Variants in CA5A observed in about 807,000 individuals in gnomAD.
CA5A encodes the protein carbonic anhydrase 5A, mitochondrial.
A neutral mutation model predicts 37.1 loss-of-function variants in CA5A; 28 were observed. That is an observed-to-expected ratio of 0.75 (90% CI 0.56 to 1.03). The LOEUF (loss-of-function observed/expected upper bound fraction) is 1.03, where lower values mean the gene tolerates loss of function less well. Among genes scored for constraint, CA5A ranks in the 50% least tolerant of loss-of-function variants. The pLI, the probability that CA5A is intolerant of heterozygous loss-of-function variation, is 0.00. For synonymous variants in CA5A, 171 were observed against 158.4 expected (o/e 1.08, Z -0.60); for missense variants, 444 against 399.9 (o/e 1.11, Z -0.94).
At chr16:87,889,695 C>G (rs1460684754) in intron 6 of CA5A, among the ~76,000 whole-genome samples, 1 of 152,022 alleles carries the variant, frequency 6.6e-6, no homozygotes, top group East Asian at 1.9e-4. Context: ...GCTCTTTAAC[C>G]TGGGAGGCGG....
rs553340303 is a variant in CA5A, at chr16:87,930,250, G to A, written c.143-3305C>T. On this transcript the variant is annotated intron_variant, in intron 1 of 6. Coordinates refer to ENST00000649794, the MANE Select transcript of CA5A (RefSeq NM_001739.2). ...GTTTGTTGAATGAATAATCCCTAGT[G>A]TGGATTAACTGCCCCTGCCCCTTAC... Among the ~76,000 whole-genome samples, 18 of 152,302 alleles carry A rather than the reference G, an allele frequency of 1.2e-4. No homozygotes were observed. The South Asian group carries it at 3.7e-3, about 32-fold the overall frequency.
At chr16:87,922,917 T>C (rs780964240) in intron 2 of CA5A, among the ~76,000 whole-genome samples, 30 of 152,230 alleles carry the variant, frequency 2.0e-4, no homozygotes, top group Admixed American at 3.3e-4. Flanking sequence ...CCAAGCCTTC[T>C]TTTTCACATC....
At chr16:87,924,285 T>G in intron 2 of CA5A, 2 of 985,458 alleles carry the variant, frequency 2.0e-6, no homozygotes, top group South Asian at 4.7e-5. Context: ...TGGAGCCTGA[T>G]GAAGCAACCG....
At chr16:87,921,362 G>A (rs1361830576) in intron 2 of CA5A, among the ~76,000 whole-genome samples, 2 of 152,232 alleles carry the variant, frequency 1.3e-5, no homozygotes, top group Non-Finnish European at 2.9e-5. Flanking sequence ...CCCGAAATTG[G>A]CTTGGGCCTT....
At chr16:87,893,276 C>A (rs117599131) in intron 5 of CA5A, among the ~76,000 whole-genome samples, 4,900 of 151,976 alleles carry the variant, frequency 0.032, 127 homozygotes, top group South Asian at 0.056. Context: ...TACATCTTCA[C>A]GCCATCGCGA....
intron 2 of CA5A, among the ~76,000 whole-genome samples, chr16:87,918,244 G>A (rs2056182111): frequency 1.3e-5 from 2 of 152,230 alleles, no homozygotes; most frequent in Admixed American, 1.3e-4. Flanking sequence ...CCTGCCCAAT[G>A]AGCTGGGCCC....
chr16:87,926,730 G>C lies in CA5A; in HGVS notation c.340+18C>G, dbSNP rs2056316733. The C allele has an allele frequency of 6.2e-7, 1 of 1,600,234 alleles. No homozygotes were observed. Among genetic ancestry groups the C allele is most frequent in the Admixed American group, 1.7e-5 (1 of 59,742 alleles). On this transcript the variant is annotated intron_variant, in intron 2 of 6. Coordinates refer to ENST00000649794, the MANE Select transcript of CA5A (RefSeq NM_001739.2). ...CAACGGGAGAGGACAAAGCCCTCGA[G>C]CCCCAGCTGGCACTCACCTGATGCC...
chr16:87,898,580 T>C (rs977364245), intron 5 of CA5A, among the ~76,000 whole-genome samples: 1 of 152,208 alleles, frequency 6.6e-6, no homozygotes, highest in Non-Finnish European at 1.5e-5. Flanking sequence ...TTTCGTTTCG[T>C]GACGGGCAGC....
intron 2 of CA5A, among the ~76,000 whole-genome samples, chr16:87,916,148 A>G (rs1180715966): frequency 1.4e-5 from 2 of 147,484 alleles, no homozygotes; most frequent in Non-Finnish European, 3.0e-5. Context: ...AGCCTGGGTG[A>G]CAGAGCAAGA....
chr16:87,905,655 G>T (rs2055950461), intron 2 of CA5A, among the ~76,000 whole-genome samples: 1 of 152,310 alleles, frequency 6.6e-6, no homozygotes, highest in African/African-American at 2.4e-5. Context: ...CACCGCTCCT[G>T]GGTGAGCAAG....
Position 87,926,904 on chromosome 16 carries a change from T to G in CA5A, c.184A>C (p.Thr62Pro), listed in dbSNP as rs1482687110. 12 of 1,605,582 alleles carry G rather than the reference T, an allele frequency of 7.5e-6. No individual in the cohort carries two copies. The highest frequency in any genetic ancestry group is 1.0e-5 in the Non-Finnish European group (12 of 1,175,716). ...TGGATGTTAATAGGAGACTGCCGGG[T>G]GCCCCCTGGCACGGAGACCGGGACC... ...WTVPVSVPGGTRQSPINIQWR... is the reference protein window; with the variant it reads ...WTVPVSVPGGPRQSPINIQWR... The change falls in exon 2 of 7, where the codon ACC becomes CCC. Residue 62 changes from threonine (T) to proline (P), a missense_variant. Physicochemically the swap from Thr to Pro is conservative, Grantham distance 38. Transcript: ENST00000649794.
At chr16:87,924,068 A>G (rs2056267657) in intron 2 of CA5A, 6 of 985,476 alleles carry the variant, frequency 6.1e-6, no homozygotes, top group Non-Finnish European at 7.2e-6. Flanking sequence ...GCAACTGAAT[A>G]AATGAATGCA....
chr16:87,909,872 G>C (rs1257951328), intron 2 of CA5A, among the ~76,000 whole-genome samples: 1 of 152,156 alleles, frequency 6.6e-6, no homozygotes, highest in Non-Finnish European at 1.5e-5. Flanking sequence ...GTCAGGAGTG[G>C]GGTCTGGAGT....
At chr16:87,902,117 G>C (rs2055887567) in intron 4 of CA5A, 143 bp from the exon 5 acceptor site, 17 of 742,770 alleles carry the variant, frequency 2.3e-5, no homozygotes, top group Non-Finnish European at 4.0e-5. Flanking sequence ...ACTGTGGGAG[G>C]CCGAGGTGGG....
At chr16:87,915,994 G>A (rs1031461337) in intron 2 of CA5A, among the ~76,000 whole-genome samples, 1 of 151,902 alleles carries the variant, frequency 6.6e-6, no homozygotes, top group Non-Finnish European at 1.5e-5. Flanking sequence ...ACGGCAGAAG[G>A]CGAAAGGCAG....
In CA5A at chr16:87,936,409, G is replaced by A. The variant is rs756485700; in HGVS notation, c.42C>T (p.Phe14=). 1 of 1,614,048 alleles carries A rather than the reference G, an allele frequency of 6.2e-7. No homozygotes were observed. The highest frequency in any genetic ancestry group is 2.2e-5 in the East Asian group (1 of 44,866). Residue 14 remains phenylalanine, a synonymous_variant, in exon 1 of 7, where the codon TTC becomes TTT. Coordinates refer to ENST00000649794, the MANE Select transcript of CA5A (RefSeq NM_001739.2). ...RNTWKTSAFS[F]LVEQMWAPLW... ...GAGGGGCCCACATCTGCTCAACCAA[G>A]AAGGAGAAAGCTGAGGTCTTCCAAG...
At chr16:87,906,016 CG>C (rs1335328659) in intron 2 of CA5A, among the ~76,000 whole-genome samples, 1 of 152,210 alleles carries the variant, frequency 6.6e-6, no homozygotes, top group Non-Finnish European at 1.5e-5. Context: ...CCCAGGGGTT[CG>C]GATGTGGGTG....
rs1264579963 is a variant in CA5A, at chr16:87,901,992, G to C, written c.556-18C>G. 4.3e-6 allele frequency: 7 copies of C among 1,612,356 alleles called. No homozygotes were observed. The highest frequency in any genetic ancestry group is 5.9e-6 in the Non-Finnish European group (7 of 1,178,712). The stretch of plus-strand genomic sequence containing the variant: ...GCCCCGAGCTGCATGGCAGACAAAG[G>C]AGGGGTTAGCTGCAAAGGCAGTGGA... On this transcript the variant is annotated intron_variant, in intron 4 of 6. Coordinates refer to ENST00000649794, the MANE Select transcript of CA5A (RefSeq NM_001739.2).
At chr16:87,884,803 C>A (rs2055635912), downstream of CA5A, 1 of 152,058 alleles carries the variant, frequency 6.6e-6, no homozygotes, top group Non-Finnish European at 1.5e-5. Flanking sequence ...TAAAAAGAAA[C>A]CCAAACTGGC....
Sources: gnomAD v4.1 joint callset for allele counts (sites outside exome capture counted in the v4.1 genomes callset) on GRCh38, gnomAD v4.1.1 for gene constraint, MANE v1.5 for transcripts, NCBI Gene and HGNC (gene_info 2026-07-23, HGNC 2026-07-21) for gene names.